MECOM: variants seen among roughly 807,000 people sequenced by gnomAD.
MECOM encodes the protein histone-lysine N-methyltransferase MECOM.
In MECOM, 13 loss-of-function variants were observed where a neutral mutation model predicts 116.3. The ratio of observed to expected loss-of-function variants is 0.11; its 90% CI spans 0.07 to 0.18. MECOM has a LOEUF of 0.18. Among genes scored for constraint, MECOM ranks in the 10% least tolerant of loss-of-function variants. MECOM has a pLI of 1.00. For missense variants in MECOM, 1,299 were observed against 1,509.0 expected, an observed-to-expected ratio of 0.86 and a Z score of 2.31; for synonymous variants, 528 against 535.2, an observed-to-expected ratio of 0.99 and a Z score of 0.19.
At chr3:169,612,630 G>A (rs1225042017) in intron 1 of MECOM, among the ~76,000 whole-genome samples, 1 of 151,808 alleles carries the variant, frequency 6.6e-6, no homozygotes, top group Non-Finnish European at 1.5e-5. Flanking sequence ...CTTTTTTTAT[G>A]TGCTTATTTT....
intron 2 of MECOM, among the ~76,000 whole-genome samples, chr3:169,334,384 C>G (rs911249164): frequency 6.6e-6 from 1 of 152,164 alleles, no homozygotes; most frequent in Non-Finnish European, 1.5e-5. Context: ...CTCATTCCAT[C>G]TATAAACATG....
chr3:169,134,003 G>A (rs949772093), intron 3 of MECOM: 9 of 1,259,990 alleles, frequency 7.1e-6, no homozygotes, highest in Non-Finnish European at 9.3e-6. Flanking sequence ...AGAACTTTTC[G>A]GTGGCTTCTC....
intron 2 of MECOM, among the ~76,000 whole-genome samples, chr3:169,348,926 T>G (rs1200436999): frequency 6.6e-6 from 1 of 151,956 alleles, no homozygotes; most frequent in Non-Finnish European, 1.5e-5. Flanking sequence ...AAATATTGAG[T>G]TGTTTTACTG....
intron 9 of MECOM, among the ~76,000 whole-genome samples, chr3:169,110,874 G>A (rs752937564): frequency 1.6e-4 from 25 of 152,176 alleles, no homozygotes; most frequent in Non-Finnish European, 2.9e-4. Context: ...TCCCACAGGC[G>A]TGTTTGTGAA....
At chr3:169,258,661 T>C (rs1392532992) in intron 2 of MECOM, among the ~76,000 whole-genome samples, 1 of 152,206 alleles carries the variant, frequency 6.6e-6, no homozygotes, top group African/African-American at 2.4e-5. Flanking sequence ...TCAGGAATTA[T>C]GTCTCGCTGT....
intron 8 of MECOM, among the ~76,000 whole-genome samples, chr3:169,114,375 G>A (rs192685360): frequency 3.3e-5 from 5 of 152,122 alleles, no homozygotes; most frequent in East Asian, 3.9e-4. Flanking sequence ...CCTTGTTAAC[G>A]CATTATAGAT....
intron 2 of MECOM, among the ~76,000 whole-genome samples, chr3:169,329,907 A>G (rs1722458314): frequency 6.6e-6 from 1 of 152,260 alleles, no homozygotes; most frequent in Non-Finnish European, 1.5e-5. Flanking sequence ...GCAGATTACC[A>G]TGCAGCATGG....
intron 1 of MECOM, among the ~76,000 whole-genome samples, chr3:169,536,739 C>T (rs1408408023): frequency 1.3e-5 from 2 of 152,028 alleles, no homozygotes; most frequent in African/African-American, 4.8e-5. Context: ...GACCTCAGCT[C>T]CTTTTAATTT....
At chr3:169,640,999 C>G (rs1439258560) in intron 1 of MECOM, among the ~76,000 whole-genome samples, 3 of 152,196 alleles carry the variant, frequency 2.0e-5, no homozygotes, top group Admixed American at 6.5e-5. Context: ...TGAAGCCCCA[C>G]CAGTGACACT....
Position 169,659,440 on chromosome 3 carries a change from A to ATTTTTTTT in MECOM, c.37+3888_37+3895dup, listed in dbSNP as rs56270349. Reference sequence around the variant, plus strand: ...GTAATTAACCTTCCCCTAAACACAGATTTTTTTTTTTTTTTTTTTTTTTTT... The same window carrying ATTTTTTTT: ...GTAATTAACCTTCCCCTAAACACAGATTTTTTTTTTTTTTTTTTTTTTTTTTTTTTTTT... On this transcript the variant is annotated intron_variant, in intron 1 of 16. Coordinates refer to ENST00000651503, the MANE Select transcript of MECOM (RefSeq NM_004991.4). Among the ~76,000 whole-genome samples, 383 of 62,142 alleles carry ATTTTTTTT rather than the reference A, an allele frequency of 6.2e-3. 67 individuals are homozygous for ATTTTTTTT. The highest frequency in any genetic ancestry group is 9.6e-3 in the African/African-American group (156 of 16,262). The allele number at this position is 62,142 out of a possible 152,430, so 40.8% of individuals were successfully genotyped here.
At chr3:169,198,213 G>C (rs1017011397) in intron 2 of MECOM, among the ~76,000 whole-genome samples, 1 of 151,960 alleles carries the variant, frequency 6.6e-6, no homozygotes, top group Non-Finnish European at 1.5e-5. Flanking sequence ...TAGATACCCT[G>C]TTTATTAAAA....
chr3:169,646,470 T>C (rs1774203224), intron 1 of MECOM, among the ~76,000 whole-genome samples: 1 of 151,992 alleles, frequency 6.6e-6, no homozygotes, highest in Non-Finnish European at 1.5e-5. Flanking sequence ...AATAAATAAA[T>C]AAATAATAAA....
intron 2 of MECOM, among the ~76,000 whole-genome samples, chr3:169,297,511 T>G (rs1294497917): frequency 7.3e-6 from 1 of 137,630 alleles, no homozygotes; most frequent in African/African-American, 2.9e-5. Context: ...TTGTTTTGCC[T>G]GGGTTTGTTA....
At position 169,543,697 on chromosome 3, in the gene MECOM, G is replaced by A. The variant is rs148867202; in HGVS notation, c.37+119639C>T. Among the ~76,000 whole-genome samples, 1,079 of 152,168 alleles carry A rather than the reference G, an allele frequency of 7.1e-3. 14 individuals are homozygous for A. The highest frequency in any genetic ancestry group is 0.025 in the African/African-American group (1,031 of 41,510). ...TTTTATATTTTAACAAATGGAGAAA[G>A]TACAGACAACATTCTTAAATTATTC... On this transcript the variant is annotated intron_variant, in intron 1 of 16. Transcript: ENST00000651503.
At chr3:169,568,253 G>A (rs191692414) in intron 1 of MECOM, among the ~76,000 whole-genome samples, 145 of 152,240 alleles carry the variant, frequency 9.5e-4, no homozygotes, top group African/African-American at 3.3e-3. Flanking sequence ...CAGGTGCCTA[G>A]GCCACCAGGG....
chr3:169,241,232 G>A (rs896735150), intron 2 of MECOM, among the ~76,000 whole-genome samples: 1 of 152,096 alleles, frequency 6.6e-6, no homozygotes, highest in African/African-American at 2.4e-5. Context: ...CAGAAGGGGA[G>A]AACGTAAATT....
intron 2 of MECOM, among the ~76,000 whole-genome samples, chr3:169,264,330 C>T (rs989748856): frequency 6.6e-6 from 1 of 152,186 alleles, no homozygotes; most frequent in Non-Finnish European, 1.5e-5. Flanking sequence ...TAGCTTTCAT[C>T]AAAATTGATT....
intron 2 of MECOM, among the ~76,000 whole-genome samples, chr3:169,274,549 A>G (rs1026378234): frequency 3.3e-5 from 5 of 152,274 alleles, no homozygotes; most frequent in Admixed American, 3.3e-4. Flanking sequence ...CTGGAGGCAC[A>G]TTAAATAATG....
chr3:169,365,307 G>A (rs4955568), intron 2 of MECOM, among the ~76,000 whole-genome samples: 36,949 of 151,966 alleles, frequency 0.24, 5,088 homozygotes, highest in Admixed American at 0.38. Context: ...GATTTTAACA[G>A]TTCATATGAT....
Sources: allele counts gnomAD v4.1 joint callset (sites outside exome capture counted in the v4.1 genomes callset), GRCh38; gene constraint gnomAD v4.1.1; transcripts MANE v1.5; gene names NCBI Gene and HGNC (gene_info 2026-07-23, HGNC 2026-07-21).